The following KCND2 variants were observed in gnomAD, a reference collection of about 807,000 sequenced individuals.
KCND2 encodes A-type voltage-gated potassium channel KCND2.
Under a neutral mutation model 54.4 loss-of-function variants are expected in KCND2, and 16 were observed. The observed-to-expected ratio is 0.29, with a 90% CI of 0.20 to 0.45. The LOEUF is 0.45. Ranked by LOEUF, KCND2 falls within the 20% of genes least tolerant of loss-of-function variation. The pLI, the probability that KCND2 is intolerant of heterozygous loss-of-function variation, is 1.00. For synonymous variants in KCND2, 317 were observed against 310.7 expected, an observed-to-expected ratio of 1.02 and a Z score of -0.21; for missense variants, 486 against 824.2, an observed-to-expected ratio of 0.59 and a Z score of 5.02.
intron 2 of KCND2, among the ~76,000 whole-genome samples, chr7:120,737,062 ACACAC>A (rs1562924282): frequency 3.5e-5 from 5 of 144,602 alleles, no homozygotes; most frequent in African/African-American, 1.3e-4. Context: ...ACACACACAC[ACACAC>A]ACACACACAA....
chr7:120,387,283 C>T (rs1009530889), intron 1 of KCND2, among the ~76,000 whole-genome samples: 1 of 151,876 alleles, frequency 6.6e-6, no homozygotes, highest in African/African-American at 2.4e-5. Flanking sequence ...TCCAAATTAC[C>T]ATAAAAATAT....
chr7:120,441,274 C>G (rs567147026), intron 1 of KCND2, among the ~76,000 whole-genome samples: 1 of 151,982 alleles, frequency 6.6e-6, no homozygotes, highest in Non-Finnish European at 1.5e-5. Flanking sequence ...CTCATCTATG[C>G]TAGTAAAACA....
At chr7:120,295,399 C>T (rs867853721) in intron 1 of KCND2, among the ~76,000 whole-genome samples, 1 of 146,960 alleles carries the variant, frequency 6.8e-6, no homozygotes, top group African/African-American at 2.7e-5. Context: ...CACAGACACA[C>T]ACACACACAC....
intron 1 of KCND2, among the ~76,000 whole-genome samples, chr7:120,550,512 A>G (rs1792092924): frequency 6.6e-6 from 1 of 152,164 alleles, no homozygotes; most frequent in South Asian, 2.1e-4. Flanking sequence ...GCCAAATATC[A>G]TTGCAGGCTG....
chr7:120,558,109 A>G (rs1023269341), intron 1 of KCND2, among the ~76,000 whole-genome samples: 3 of 152,050 alleles, frequency 2.0e-5, no homozygotes, highest in Non-Finnish European at 4.4e-5. Context: ...TTTTTCAGAG[A>G]CCTTTCAAAA....
chr7:120,658,858 A>G (rs1249821350), intron 1 of KCND2, among the ~76,000 whole-genome samples: 1 of 152,196 alleles, frequency 6.6e-6, no homozygotes, highest in Non-Finnish European at 1.5e-5. Flanking sequence ...TAATTCAACA[A>G]TTATGAAGCG....
chr7:120,402,467 G>A (rs991773110), intron 1 of KCND2, among the ~76,000 whole-genome samples: 1 of 152,038 alleles, frequency 6.6e-6, no homozygotes, highest in Non-Finnish European at 1.5e-5. Context: ...TGAAGCAGGC[G>A]ATAGTGGATA....
At chr7:120,503,969 A>G (rs1412539829) in intron 1 of KCND2, among the ~76,000 whole-genome samples, 2 of 151,920 alleles carry the variant, frequency 1.3e-5, no homozygotes, top group African/African-American at 4.8e-5. Context: ...CCTTTCTTGT[A>G]TCGTTCTAAA....
chr7:120,602,463 C>G (rs1792827335), intron 1 of KCND2, among the ~76,000 whole-genome samples: 1 of 152,078 alleles, frequency 6.6e-6, no homozygotes, highest in South Asian at 2.1e-4. Flanking sequence ...TTTCTATGAC[C>G]CAACGTCAGC....
At chr7:120,396,769 G>A (rs536338303) in intron 1 of KCND2, among the ~76,000 whole-genome samples, 3 of 152,070 alleles carry the variant, frequency 2.0e-5, no homozygotes, top group Admixed American at 1.3e-4. Flanking sequence ...AATGGTAAAA[G>A]CAAGAACTCT....
chr7:120,558,620 C>A (rs1056546208), intron 1 of KCND2, among the ~76,000 whole-genome samples: 1 of 152,110 alleles, frequency 6.6e-6, no homozygotes, highest in Admixed American at 6.6e-5. Context: ...TTGAATGATT[C>A]TTTCATTGAA....
intron 1 of KCND2, among the ~76,000 whole-genome samples, chr7:120,461,297 T>G (rs1304354035): frequency 1.3e-5 from 2 of 152,202 alleles, no homozygotes; most frequent in Non-Finnish European, 2.9e-5. Flanking sequence ...GTGGAAAATA[T>G]CCACAAGAGC....
At chr7:120,582,070 T>G (rs1792523101) in intron 1 of KCND2, among the ~76,000 whole-genome samples, 1 of 152,172 alleles carries the variant, frequency 6.6e-6, no homozygotes, top group Non-Finnish European at 1.5e-5. Flanking sequence ...TCAGTCCTTT[T>G]AATATTTAAG....
At chr7:120,298,894 A>G (rs1799547539) in intron 1 of KCND2, among the ~76,000 whole-genome samples, 1 of 152,194 alleles carries the variant, frequency 6.6e-6, no homozygotes, top group Non-Finnish European at 1.5e-5. Flanking sequence ...GCGGTGGCTC[A>G]CACCTTTAAT....
At chr7:120,690,651 A>C (rs1792257385) in intron 1 of KCND2, among the ~76,000 whole-genome samples, 2 of 152,236 alleles carry the variant, frequency 1.3e-5, no homozygotes, top group Non-Finnish European at 2.9e-5. Flanking sequence ...GTTAGAATGC[A>C]TTTTAGAGTC....
intron 1 of KCND2, among the ~76,000 whole-genome samples, chr7:120,387,481 C>T (rs1801007752): frequency 1.3e-5 from 2 of 152,054 alleles, no homozygotes; most frequent in Middle Eastern, 3.4e-3. Flanking sequence ...TATGTCATCT[C>T]ATAAACGAAA....
In KCND2 at chr7:120,674,149, C is replaced by A. The variant is rs150625326; in HGVS notation, c.1116-58754C>A. Among the ~76,000 whole-genome samples, 642 of 152,176 alleles carry A rather than the reference C, an allele frequency of 4.2e-3. 5 individuals carry two copies. The highest frequency in any genetic ancestry group is 0.014 in the African/African-American group (591 of 41,534). On this transcript the variant is annotated intron_variant, in intron 1 of 5. Coordinates refer to ENST00000331113, the MANE Select transcript of KCND2 (RefSeq NM_012281.3). ...GAACTCCTCACCTCAGGTTATCCAC[C>A]CACCTCAGCCTCCCCAAGTGCAGGG...
At chr7:120,726,797 C>T (rs186649572) in intron 1 of KCND2, among the ~76,000 whole-genome samples, 11 of 152,312 alleles carry the variant, frequency 7.2e-5, no homozygotes, top group Non-Finnish European at 1.6e-4. Flanking sequence ...GTACAGAATG[C>T]TCCTGAACTT....
At chr7:120,414,338 A>G (rs1801495944) in intron 1 of KCND2, among the ~76,000 whole-genome samples, 1 of 152,184 alleles carries the variant, frequency 6.6e-6, no homozygotes, top group African/African-American at 2.4e-5. Flanking sequence ...AAAAATTTTC[A>G]GTCAACTGTC....
Sources: gnomAD v4.1 joint callset for allele counts (sites outside exome capture counted in the v4.1 genomes callset) on GRCh38, gnomAD v4.1.1 for gene constraint, MANE v1.5 for transcripts, NCBI Gene and HGNC (gene_info 2026-07-23, HGNC 2026-07-21) for gene names.